ANOS1: variants seen among roughly 807,000 people sequenced by gnomAD.
The protein encoded by ANOS1 is anosmin-1.
In ANOS1, 6 loss-of-function variants were observed where a neutral mutation model predicts 59.0. The ratio of observed to expected loss-of-function variants is 0.10; its 90% confidence interval spans 0.06 to 0.20. ANOS1 has a LOEUF of 0.20. ANOS1 is among the 10% of genes least tolerant of loss of function. The pLI is 1.00. For missense variants in ANOS1, 433 were observed against 542.3 expected (o/e 0.80, Z 2.00); for synonymous variants, 217 against 223.4 (o/e 0.97, Z 0.25).
At chrX:8,671,949 G>A (rs1276067272) in intron 2 of ANOS1, among the ~76,000 whole-genome samples, 2 of 110,406 alleles carry the variant, frequency 1.8e-5, no homozygotes, top group Middle Eastern at 4.7e-3. Context: ...CTCTTTCAGT[G>A]ATTTTCCGGA....
chrX:8,585,346 G>A lies in ANOS1; in HGVS notation c.777C>T (p.Tyr259=), dbSNP rs1302999323. Reference sequence around the variant, plus strand: ...CATTCACAGCAGCCACTCGAAACTGGTACCATCGGCTGGGTCTTATGTCAG... The same window carrying A: ...CATTCACAGCAGCCACTCGAAACTGATACCATCGGCTGGGTCTTATGTCAG... ...QLTDIRPSRW[Y]QFRVAAVNVH... The change falls in exon 6 of 14, where the codon TAC becomes TAT. Residue 259 remains tyrosine (Y), a synonymous_variant. Transcript: ENST00000262648. 8.3e-7 allele frequency: 1 copy of A among 1,210,816 alleles called. No homozygotes were observed. The highest frequency in any genetic ancestry group is 1.1e-6 in the Non-Finnish European group (1 of 894,545).
chrX:8,623,580 GT>G (rs1385762010), intron 3 of ANOS1, 27 bp downstream of exon 3: 1 of 1,141,021 alleles, frequency 8.8e-7, no homozygotes, highest in South Asian at 1.8e-5. Flanking sequence ...TGGGTCAAGT[GT>G]TTTAAGTACC....
intron 2 of ANOS1, among the ~76,000 whole-genome samples, chrX:8,654,521 G>A (rs1444715126): frequency 8.9e-6 from 1 of 112,039 alleles, no homozygotes; most frequent in East Asian, 2.8e-4. Flanking sequence ...TACAAACCTC[G>A]ATTCTTGCTT....
At chrX:8,683,704 T>C (rs1932462186) in intron 2 of ANOS1, among the ~76,000 whole-genome samples, 2 of 111,983 alleles carry the variant, frequency 1.8e-5, no homozygotes, top group African/African-American at 3.2e-5. Context: ...ATGGTGATTG[T>C]GAAAGAGAGG....
chrX:8,619,070 C>CAAAAAAAAAAAAAAAAAAAAAAAAA (rs1164164251), intron 3 of ANOS1, among the ~76,000 whole-genome samples: 2 of 43,976 alleles, frequency 4.5e-5, no homozygotes, highest in African/African-American at 8.4e-5. Flanking sequence ...AAACCTCTCT[C>CAAAAAAAAAAAAAAAAAAAAAAAAA]AAAAAAAAAA....
At chrX:8,651,210 C>T (rs1931845523) in intron 2 of ANOS1, among the ~76,000 whole-genome samples, 1 of 112,225 alleles carries the variant, frequency 8.9e-6, no homozygotes. Flanking sequence ...GATGGCTCCA[C>T]TGTGGCCCTT....
Position 8,536,857 on chromosome X carries a change from T to G in ANOS1, c.1535A>C (p.Lys512Thr). 2 of 1,207,633 alleles carry G rather than the reference T, an allele frequency of 1.7e-6. No individual in the cohort carries two copies. The highest frequency in any genetic ancestry group is 5.9e-5 in the East Asian group (2 of 33,820). The change falls in exon 11 of 14, where the codon AAG becomes ACG. Residue 512 changes from lysine (K) to threonine (T), a missense_variant. Physicochemically the swap from Lys to Thr is moderately conservative, Grantham distance 78. Coordinates refer to ENST00000262648, the MANE Select transcript of ANOS1 (RefSeq NM_000216.4). Reference protein sequence around the residue: ...VQPIRPKSHSKAEAVFFTTPP... With the variant: ...VQPIRPKSHSTAEAVFFTTPP... The stretch of plus-strand genomic sequence containing the variant: ...AGTAGTGAAGAAAACAGCTTCTGCC[T>G]TGGAGTGACTTTTTGGCCGTATTGG...
rs1486907152 is a variant in ANOS1, at chrX:8,532,936, T to C, written c.*59A>G. On this transcript the variant is annotated 3_prime_UTR_variant, in exon 14 of 14. Transcript: ENST00000262648. ...TGCCTCTGGAAGTGTGCATGTCTCG[T>C]GGCCGAAGTTCAACAAGCTTACACA... 1.4e-5 allele frequency: 10 copies of C among 737,232 alleles called. No homozygotes were observed. The East Asian group carries it at 2.9e-4, about 21-fold the overall frequency. The allele number at this position is 737,232 out of a possible 1,213,427, so 60.8% of individuals were successfully genotyped here.
intron 1 of ANOS1, among the ~76,000 whole-genome samples, chrX:8,729,391 C>CTTTT (rs1162458402): frequency 2.1e-4 from 15 of 72,624 alleles, no homozygotes; most frequent in Non-Finnish European, 2.2e-4. Context: ...ACCTTCCTTC[C>CTTTT]TTTTTTTTTT....
chrX:8,599,818 A>G lies in ANOS1; in HGVS notation c.319-2562T>C, dbSNP rs193174779. On this transcript the variant is annotated intron_variant, in intron 3 of 13. Coordinates refer to ENST00000262648, the MANE Select transcript of ANOS1 (RefSeq NM_000216.4). ...GACTGAATGGTTTGGGCTATTAACCAGAGAGTATTTCACCAATAGTGGAGG... is the reference window on the plus strand; with the variant it reads ...GACTGAATGGTTTGGGCTATTAACCGGAGAGTATTTCACCAATAGTGGAGG... 1.2e-4 allele frequency among the ~76,000 whole-genome samples: 13 copies of G among 112,205 alleles called. 1 individual carries two copies. The highest frequency in any genetic ancestry group is 3.7e-4 in the South Asian group (1 of 2,689).
At chrX:8,537,058 G>A in intron 10 of ANOS1, 116 bp from the exon 11 acceptor site, 3 of 608,808 alleles carry the variant, frequency 4.9e-6, no homozygotes, top group Non-Finnish European at 8.0e-6. Flanking sequence ...TATAGTGTGT[G>A]CAATATGGCT....
In ANOS1 at chrX:8,562,863, G is replaced by A. The variant is rs112691505; in HGVS notation, c.1207+5369C>T. Reference sequence around the variant, plus strand: ...TTATCATTAAAACACCTAGCAGCCTGCAGACCTGGAAAAATATAATTCAAA... The same window carrying A: ...TTATCATTAAAACACCTAGCAGCCTACAGACCTGGAAAAATATAATTCAAA... On this transcript the variant is annotated intron_variant, in intron 8 of 13. Transcript: ENST00000262648. Among the ~76,000 whole-genome samples, 340 of 112,331 alleles carry A rather than the reference G, an allele frequency of 3.0e-3. 1 individual carries two copies. The highest frequency in any genetic ancestry group is 0.011 in the African/African-American group (329 of 30,997).
At chrX:8,624,011 C>CTTT (rs566769185) in intron 2 of ANOS1, among the ~76,000 whole-genome samples, 26 of 69,385 alleles carry the variant, frequency 3.7e-4, no homozygotes, top group East Asian at 1.3e-3. Context: ...CTTTTCTTTT[C>CTTT]TTTTTTTTTT....
chrX:8,589,513 CAT>C (rs1930579041), intron 4 of ANOS1, among the ~76,000 whole-genome samples: 2 of 112,069 alleles, frequency 1.8e-5, no homozygotes, highest in South Asian at 7.4e-4. Context: ...GAAAAGGCCA[CAT>C]AGAGAGATAG....
intron 1 of ANOS1, among the ~76,000 whole-genome samples, chrX:8,725,647 T>TATACAGATATATAC (rs1932910185): frequency 2.0e-5 from 1 of 50,468 alleles, no homozygotes; most frequent in Admixed American, 2.1e-4. Flanking sequence ...CAGATATATA[T>TATACAGATATATAC]ACAGATATAT....
chrX:8,617,423 C>A (rs1056787684), intron 3 of ANOS1, among the ~76,000 whole-genome samples: 3 of 111,957 alleles, frequency 2.7e-5, no homozygotes, highest in Admixed American at 1.9e-4. Context: ...TGGAATATTT[C>A]TTTCAGAGCC....
chrX:8,660,095 G>A (rs895671945), intron 2 of ANOS1, among the ~76,000 whole-genome samples: 2 of 110,543 alleles, frequency 1.8e-5, no homozygotes, highest in Non-Finnish European at 3.8e-5. Flanking sequence ...GACACCCACT[G>A]AACACAGGGG....
At chrX:8,562,050 C>T (rs903059237) in intron 8 of ANOS1, among the ~76,000 whole-genome samples, 2 of 110,520 alleles carry the variant, frequency 1.8e-5, no homozygotes, top group Non-Finnish European at 3.8e-5. Context: ...AAGCCATTCT[C>T]GTGCCTCAGC....
At chrX:8,547,620 T>C (rs927406622) in intron 9 of ANOS1, among the ~76,000 whole-genome samples, 3 of 112,150 alleles carry the variant, frequency 2.7e-5, no homozygotes, top group African/African-American at 9.7e-5. Flanking sequence ...TGTATTCCCA[T>C]CACGTGGCAC....
Sources: allele counts gnomAD v4.1 joint callset (sites outside exome capture counted in the v4.1 genomes callset), GRCh38; gene constraint gnomAD v4.1.1; transcripts MANE v1.5; gene names NCBI Gene and HGNC (gene_info 2026-07-23, HGNC 2026-07-21).